The following WDR11 variants were observed in gnomAD, a reference collection of about 807,000 sequenced individuals.
The protein encoded by WDR11 is WD repeat domain 11, also known as WD repeat-containing protein 11.
In WDR11, 83 loss-of-function variants were observed where a neutral mutation model predicts 151.2. That is an observed-to-expected ratio of 0.55 (90% CI 0.46 to 0.66). WDR11 has a LOEUF of 0.66. Among genes scored for constraint, WDR11 ranks in the 30% least tolerant of loss-of-function variants. The pLI is 0.00. For synonymous variants in WDR11, 484 were observed against 533.1 expected (o/e 0.91, Z 1.27); for missense variants, 1,301 against 1,480.9 (o/e 0.88, Z 1.99).
chr10:120,887,205 T>G (rs545821163), intron 16 of WDR11, among the ~76,000 whole-genome samples: 1 of 152,308 alleles, frequency 6.6e-6, no homozygotes, highest in South Asian at 2.1e-4. Context: ...TTCTTTCCAT[T>G]TCAGGCATTA....
In WDR11 at chr10:120,900,104, G is replaced by A. The variant is rs1340586832; in HGVS notation, c.2591G>A (p.Trp864Ter). 4 of 1,613,862 alleles carry A rather than the reference G, an allele frequency of 2.5e-6. No homozygotes were observed. The highest frequency in any genetic ancestry group is 3.4e-6 in the Non-Finnish European group (4 of 1,179,832). ...ALKAFLLHQP[W>*]NGQYSLDISH... ...AAAGCCTTCTTATTACACCAGCCTT[G>A]GAATGGACAGTATTCTTTGGACATT... The change falls in exon 20 of 29, where the codon TGG becomes TAG. Residue 864 changes from tryptophan to a stop codon, truncating the protein, a stop_gained. Transcript: ENST00000263461. LOFTEE classifies it high-confidence loss of function.
At chr10:120,907,629 A>AAAACT (rs1011697256) in intron 28 of WDR11, 5 of 144,768 alleles carry the variant, frequency 3.5e-5, no homozygotes, top group African/African-American at 1.0e-4. Context: ...ACAGAGAATT[A>AAAACT]AAACTAAACT....
chr10:120,865,184 T>C lies in WDR11; in HGVS notation c.851T>C (p.Ile284Thr). 1.2e-6 allele frequency: 2 copies of C among 1,613,910 alleles called. No homozygotes were observed. The highest frequency in any genetic ancestry group is 1.7e-5 in the Admixed American group (1 of 60,022). The change falls in exon 6 of 29, where the codon ATA becomes ACA. Residue 284 changes from isoleucine (I) to threonine (T), a missense_variant. Physicochemically the swap from Ile to Thr is moderately conservative, Grantham distance 89. This residue lies in a region of WDR11 where 692 missense variants were observed against 762.5 expected (regional missense o/e 0.91). Coordinates refer to ENST00000263461, the MANE Select transcript of WDR11 (RefSeq NM_018117.12). ...AATCAGACGGTGGGTGTGATTGCAA[T>C]AGAACGCACAGGAGTTCCATTTTTA... Reference protein sequence around the residue: ...EVNQTVGVIAIERTGVPFLQV... With the variant: ...EVNQTVGVIATERTGVPFLQV...
chr10:120,906,067 G>A (rs764514641), intron 27 of WDR11, 46 bp downstream of exon 27: 2 of 1,612,348 alleles, frequency 1.2e-6, no homozygotes, highest in Non-Finnish European at 1.7e-6. Flanking sequence ...CCCGTGAGCA[G>A]TCACTTCATG....
At chr10:120,895,224 A>G (rs1176680484) in intron 19 of WDR11, among the ~76,000 whole-genome samples, 2 of 152,196 alleles carry the variant, frequency 1.3e-5, no homozygotes, top group Admixed American at 6.5e-5. Flanking sequence ...CCTGACATTT[A>G]CCATTTCCAA....
At chr10:120,908,011 G>A (rs1351218008) in intron 28 of WDR11, 2 of 159,968 alleles carry the variant, frequency 1.3e-5, no homozygotes, top group East Asian at 3.5e-4. Flanking sequence ...CACTGGGAAG[G>A]TGACTGGTTC....
chr10:120,852,573 A>G lies in WDR11; in HGVS notation c.136A>G (p.Ile46Val). ...AYGCHSLVVV[I>V]DSITAQTLQV... is the part of the protein sequence containing the mutation. Reference sequence around the variant, plus strand: ...TGGATGTCATTCACTTGTGGTAGTGATTGATTCCATTACTGCCCAAACTCT... The same window carrying G: ...TGGATGTCATTCACTTGTGGTAGTGGTTGATTCCATTACTGCCCAAACTCT... The change falls in exon 2 of 29, where the codon ATT becomes GTT. Residue 46 changes from isoleucine (I) to valine (V), a missense_variant. Physicochemically the swap from Ile to Val is conservative, Grantham distance 29. Coordinates refer to ENST00000263461, the MANE Select transcript of WDR11 (RefSeq NM_018117.12). 3 of 1,614,068 alleles carry G rather than the reference A, an allele frequency of 1.9e-6. No homozygotes were observed. The highest frequency in any genetic ancestry group is 2.5e-6 in the Non-Finnish European group (3 of 1,179,988).
chr10:120,895,483 T>C (rs1013636574), intron 19 of WDR11, among the ~76,000 whole-genome samples: 1 of 151,210 alleles, frequency 6.6e-6, no homozygotes, highest in Non-Finnish European at 1.5e-5. Context: ...AGCCCAGATG[T>C]AAAAGAAAAG....
chr10:120,865,521 CTA>C, intron 6 of WDR11, 107 bp from the exon 7 acceptor site: 1 of 770,240 alleles, frequency 1.3e-6, no homozygotes, highest in South Asian at 1.8e-5. Context: ...TGGGATTTGT[CTA>C]TTTTTTTTTC....
At chr10:120,906,596 G>T in intron 27 of WDR11, 180 bp from the exon 28 acceptor site, 1 of 1,461,554 alleles carries the variant, frequency 6.8e-7, no homozygotes, top group Non-Finnish European at 9.0e-7. Context: ...CTTGTGTTTG[G>T]AGATGTGAGT....
intron 27 of WDR11, 70 bp from the exon 28 acceptor site, chr10:120,906,706 C>T: frequency 6.2e-7 from 1 of 1,613,012 alleles, no homozygotes; most frequent in Non-Finnish European, 8.5e-7. Flanking sequence ...TGTCTTTATA[C>T]CCTTCGATGC....
chr10:120,851,956 C>A (rs1459263315), intron 1 of WDR11: 1 of 236,852 alleles, frequency 4.2e-6, no homozygotes, highest in Non-Finnish European at 8.4e-6. Flanking sequence ...GTCCTTTTCA[C>A]CTCTTTTCGG....
chr10:120,859,276 T>C (rs945274009), intron 3 of WDR11, among the ~76,000 whole-genome samples: 1 of 150,482 alleles, frequency 6.6e-6, no homozygotes, highest in African/African-American at 2.5e-5. Flanking sequence ...TTTTTTCTTT[T>C]TTTTTTTTTG....
chr10:120,872,194 G>A (rs1846570521), intron 10 of WDR11, among the ~76,000 whole-genome samples: 1 of 152,084 alleles, frequency 6.6e-6, no homozygotes, highest in Non-Finnish European at 1.5e-5. Context: ...TTACTGTTTG[G>A]TAGTACCCTT....
At chr10:120,883,046 A>G (rs936246531) in intron 13 of WDR11, among the ~76,000 whole-genome samples, 6 of 152,050 alleles carry the variant, frequency 3.9e-5, no homozygotes, top group Non-Finnish European at 1.5e-5. Context: ...AAAAATTTCC[A>G]TGGGGTGTTA....
At chr10:120,900,268 A>G (rs1847766240) in intron 20 of WDR11, 131 bp downstream of exon 20, 5 of 828,644 alleles carry the variant, frequency 6.0e-6, no homozygotes, top group Non-Finnish European at 7.9e-6. Flanking sequence ...AGGCAGAGAC[A>G]CTACAGAATT....
intron 18 of WDR11, among the ~76,000 whole-genome samples, chr10:120,890,234 T>C (rs935961028): frequency 3.3e-5 from 5 of 152,106 alleles, no homozygotes; most frequent in Non-Finnish European, 7.4e-5. Context: ...TATTTTGATA[T>C]GGAGTTTCAC....
chr10:120,899,910 C>T (rs1169473160), intron 19 of WDR11, 119 bp from the exon 20 acceptor site: 3 of 786,060 alleles, frequency 3.8e-6, no homozygotes, highest in Non-Finnish European at 6.5e-6. Context: ...AATATACTCT[C>T]AGTTGTTCCA....
chr10:120,897,901 T>C (rs1590111513), intron 19 of WDR11, among the ~76,000 whole-genome samples: 3 of 152,310 alleles, frequency 2.0e-5, no homozygotes, highest in South Asian at 2.1e-4. Flanking sequence ...AAAAAAAAAG[T>C]ATTATTAAAA....
Sources: allele counts gnomAD v4.1 joint callset (sites outside exome capture counted in the v4.1 genomes callset), GRCh38; gene constraint gnomAD v4.1.1; regional missense constraint gnomAD v4.1.1; transcripts MANE v1.5; gene names NCBI Gene and HGNC (gene_info 2026-07-23, HGNC 2026-07-21).